Variants in ZDHHC14 observed in about 807,000 individuals in gnomAD.
ZDHHC14 encodes zDHHC palmitoyltransferase 14.
A neutral mutation model predicts 47.7 loss-of-function variants in ZDHHC14; 16 were observed. The ratio of observed to expected loss-of-function variants is 0.34; its 90% CI spans 0.23 to 0.51. The LOEUF (loss-of-function observed/expected upper bound fraction) is 0.51, where lower values mean the gene tolerates loss of function less well. Among genes scored for constraint, ZDHHC14 ranks in the 20% least tolerant of loss-of-function variants. The pLI is 0.97. For synonymous variants in ZDHHC14, 293 were observed against 278.9 expected, an observed-to-expected ratio of 1.05 and a Z score of -0.50; for missense variants, 515 against 662.5, an observed-to-expected ratio of 0.78 and a Z score of 2.44.
intron 8 of ZDHHC14, 62 bp from the exon 9 acceptor site, chr6:157,672,655 ATCCCTGT>A: frequency 3.9e-6 from 1 of 259,526 alleles, no homozygotes; most frequent in Non-Finnish European, 6.6e-6. Context: ...CCCTGTCCCC[ATCCCTGT>A]CCCTCCCCAC....
intron 5 of ZDHHC14, among the ~76,000 whole-genome samples, chr6:157,641,298 G>A (rs1455301194): frequency 6.6e-6 from 1 of 152,186 alleles, no homozygotes; most frequent in East Asian, 1.9e-4. Flanking sequence ...ACATTTAAAT[G>A]TCGATAGGGA....
chr6:157,504,691 G>A (rs577301781), intron 1 of ZDHHC14, among the ~76,000 whole-genome samples: 10 of 150,624 alleles, frequency 6.6e-5, no homozygotes, highest in African/African-American at 1.5e-4. Context: ...GGTTACAGGC[G>A]TGAGCCACCG....
intron 1 of ZDHHC14, among the ~76,000 whole-genome samples, chr6:157,514,972 CG>C (rs1024356827): frequency 6.6e-6 from 1 of 152,172 alleles, no homozygotes; most frequent in African/African-American, 2.4e-5. Flanking sequence ...GTGTTTGCAT[CG>C]GGGCCTTACA....
chr6:157,562,548 C>T (rs2114843228), intron 2 of ZDHHC14, among the ~76,000 whole-genome samples: 1 of 152,260 alleles, frequency 6.6e-6, no homozygotes, highest in South Asian at 2.1e-4. Flanking sequence ...AAGACTACCA[C>T]TTCTCCAGGT....
At chr6:157,656,511 T>C (rs1052372778) in intron 8 of ZDHHC14, among the ~76,000 whole-genome samples, 1 of 151,694 alleles carries the variant, frequency 6.6e-6, no homozygotes, top group African/African-American at 2.4e-5. Flanking sequence ...ATTTTTGTAT[T>C]TTTTAGTAGA....
intron 2 of ZDHHC14, among the ~76,000 whole-genome samples, chr6:157,591,916 A>G (rs995977454): frequency 6.6e-6 from 1 of 152,172 alleles, no homozygotes; most frequent in East Asian, 1.9e-4. Flanking sequence ...TCTGGCTTGC[A>G]TCTGTCAGCC....
chr6:157,484,571 A>G (rs1779732719), intron 1 of ZDHHC14, among the ~76,000 whole-genome samples: 1 of 151,194 alleles, frequency 6.6e-6, no homozygotes, highest in African/African-American at 2.4e-5. Context: ...CTTCATTTTT[A>G]TTAGAAAATT....
chr6:157,626,768 A>G (rs925480972), intron 3 of ZDHHC14, among the ~76,000 whole-genome samples: 1 of 133,498 alleles, frequency 7.5e-6, no homozygotes, highest in African/African-American at 2.6e-5. Flanking sequence ...TGTTTCTGTC[A>G]TTCCAGTATC....
intron 8 of ZDHHC14, among the ~76,000 whole-genome samples, chr6:157,664,843 G>A (rs1204677905): frequency 6.6e-6 from 1 of 152,064 alleles, no homozygotes; most frequent in East Asian, 1.9e-4. Context: ...CACATGCCCA[G>A]CGCAACCCTT....
intron 1 of ZDHHC14, among the ~76,000 whole-genome samples, chr6:157,423,601 T>A (rs1778152473): frequency 6.6e-6 from 1 of 152,228 alleles, no homozygotes; most frequent in African/African-American, 2.4e-5. Context: ...GATTGGGTAT[T>A]CTGACCTCCA....
intron 1 of ZDHHC14, among the ~76,000 whole-genome samples, chr6:157,539,460 C>G (rs1163133323): frequency 6.6e-6 from 1 of 151,996 alleles, no homozygotes; most frequent in East Asian, 1.9e-4. Context: ...TCCAGCTGTC[C>G]CCCGGAGAGA....
In ZDHHC14 at chr6:157,463,900, C is replaced by T. The variant is rs1248938197; in HGVS notation, c.246-78685C>T. ...ATTAGCCAGGCATTGTGGCTCATGC[C>T]TGCAGTCCCAGCTACTCAGGAGGCT... On this transcript the variant is annotated intron_variant, in intron 1 of 8. Transcript: ENST00000359775. The surrounding 1 kb of genome is among the most constrained non-coding windows in gnomAD (Gnocchi z 4.4). Among the ~76,000 whole-genome samples the T allele has an allele frequency of 1.3e-5, 2 of 152,174 alleles. No individual in the cohort carries two copies. Among genetic ancestry groups the T allele is most frequent in the African/African-American group, 2.4e-5 (1 of 41,426 alleles).
At chr6:157,482,260 C>CTTTTT (rs1231434907) in intron 1 of ZDHHC14, among the ~76,000 whole-genome samples, 144 of 127,452 alleles carry the variant, frequency 1.1e-3, no homozygotes, top group East Asian at 1.6e-3. Context: ...CTTTTCTTTT[C>CTTTTT]TTTTTTTTTT....
chr6:157,650,399 A>G (rs1777770127), intron 7 of ZDHHC14, among the ~76,000 whole-genome samples: 1 of 151,996 alleles, frequency 6.6e-6, no homozygotes, highest in South Asian at 2.1e-4. Flanking sequence ...AAGAGGTGAG[A>G]CAAGACAAGG....
At chr6:157,644,738 G>A (rs1433823022) in intron 5 of ZDHHC14, among the ~76,000 whole-genome samples, 10 of 152,202 alleles carry the variant, frequency 6.6e-5, no homozygotes, top group Non-Finnish European at 1.2e-4. Context: ...GAGAGCAGGC[G>A]CGTTTCTTTC....
At chr6:157,501,037 G>GTAACTGTA (rs1780181471) in intron 1 of ZDHHC14, among the ~76,000 whole-genome samples, 2 of 152,214 alleles carry the variant, frequency 1.3e-5, no homozygotes, top group African/African-American at 4.8e-5. Flanking sequence ...AGTTTCTTCT[G>GTAACTGTA]CTGGATGGTA....
At chr6:157,510,527 T>C (rs1409547744) in intron 1 of ZDHHC14, among the ~76,000 whole-genome samples, 1 of 152,174 alleles carries the variant, frequency 6.6e-6, no homozygotes, top group Non-Finnish European at 1.5e-5. Context: ...GCTGGACAGG[T>C]GGGCCACTGC....
chr6:157,620,767 C>T (rs995417160), intron 3 of ZDHHC14, among the ~76,000 whole-genome samples: 1 of 152,208 alleles, frequency 6.6e-6, no homozygotes, highest in Non-Finnish European at 1.5e-5. Context: ...AGCAGAGACG[C>T]TTTGGGTCCT....
At chr6:157,561,947 A>T (rs1219906580) in intron 2 of ZDHHC14, among the ~76,000 whole-genome samples, 1 of 151,246 alleles carries the variant, frequency 6.6e-6, no homozygotes, top group African/African-American at 2.4e-5. Flanking sequence ...GAATACATAG[A>T]TGTTCTCAGA....
Sources: allele counts gnomAD v4.1 joint callset (sites outside exome capture counted in the v4.1 genomes callset), GRCh38; gene constraint gnomAD v4.1.1; non-coding constraint Gnocchi (gnomAD v3.1); transcripts MANE v1.5; gene names NCBI Gene and HGNC (gene_info 2026-07-23, HGNC 2026-07-21).